The following ASIC2 variants were observed in gnomAD, a reference collection of about 807,000 sequenced individuals.
The protein encoded by ASIC2 is acid sensing ion channel subunit 2.
A neutral mutation model predicts 57.3 loss-of-function variants in ASIC2; 25 were observed. The ratio of observed to expected loss-of-function variants is 0.44; its 90% CI spans 0.32 to 0.61. ASIC2 has a LOEUF of 0.61. Among genes scored for constraint, ASIC2 ranks in the 20% least tolerant of loss-of-function variants. The pLI, the probability that ASIC2 is intolerant of heterozygous loss-of-function variation, is 0.06. For synonymous variants in ASIC2, 319 were observed against 307.5 expected, an observed-to-expected ratio of 1.04 and a Z score of -0.39; for missense variants, 641 against 738.1, an observed-to-expected ratio of 0.87 and a Z score of 1.52.
chr17:34,065,515 A>T (rs900686224), intron 1 of ASIC2, among the ~76,000 whole-genome samples: 5 of 152,256 alleles, frequency 3.3e-5, no homozygotes, highest in South Asian at 2.1e-4. Context: ...GAAAAATTTT[A>T]AAAAAATAAA....
At chr17:33,278,740 T>G (rs1904815723) in intron 1 of ASIC2, among the ~76,000 whole-genome samples, 1 of 152,160 alleles carries the variant, frequency 6.6e-6, no homozygotes, top group East Asian at 1.9e-4. Flanking sequence ...AATGAACGAA[T>G]GAATGAGTCC....
chr17:33,187,243 C>G (rs749781102), intron 1 of ASIC2, among the ~76,000 whole-genome samples: 2 of 152,200 alleles, frequency 1.3e-5, no homozygotes, highest in Non-Finnish European at 2.9e-5. Flanking sequence ...TGTCGAACAA[C>G]CAACGCTTCA....
intron 1 of ASIC2, among the ~76,000 whole-genome samples, chr17:34,106,153 T>TA (rs1188250809): frequency 6.6e-6 from 1 of 152,142 alleles, no homozygotes; most frequent in African/African-American, 2.4e-5. Context: ...GGTTGTCTAA[T>TA]GTTTCCTTGT....
At chr17:33,487,594 T>G (rs1208043344) in intron 1 of ASIC2, among the ~76,000 whole-genome samples, 1 of 152,212 alleles carries the variant, frequency 6.6e-6, no homozygotes, top group Non-Finnish European at 1.5e-5. Flanking sequence ...GATTGAAGGA[T>G]GCAAAGCATT....
chr17:34,001,799 C>T (rs1346329358), intron 1 of ASIC2: 2 of 152,190 alleles, frequency 1.3e-5, no homozygotes, highest in Admixed American at 6.5e-5. Flanking sequence ...TTCTGTGTTC[C>T]ACTTGGGTGC....
At chr17:33,691,676 C>T (rs1908373205) in intron 1 of ASIC2, among the ~76,000 whole-genome samples, 2 of 151,840 alleles carry the variant, frequency 1.3e-5, no homozygotes, top group African/African-American at 2.4e-5. Context: ...TGACTTTGTT[C>T]ATGGTGGGGT....
At chr17:33,347,754 G>A (rs1157466254) in intron 1 of ASIC2, among the ~76,000 whole-genome samples, 1 of 152,154 alleles carries the variant, frequency 6.6e-6, no homozygotes, top group African/African-American at 2.4e-5. Context: ...TGCAGTCATT[G>A]GCAATGACAA....
At chr17:34,073,718 T>C (rs1418120024) in intron 1 of ASIC2, among the ~76,000 whole-genome samples, 2 of 152,246 alleles carry the variant, frequency 1.3e-5, no homozygotes, top group African/African-American at 4.8e-5. Context: ...CATTAGCATC[T>C]TATAATTCAC....
chr17:33,172,703 G>A (rs1428808811), intron 1 of ASIC2, among the ~76,000 whole-genome samples: 1 of 152,212 alleles, frequency 6.6e-6, no homozygotes, highest in East Asian at 1.9e-4. Flanking sequence ...GAACTCAGTA[G>A]TATGATGGAA....
At chr17:34,079,182 A>T (rs1598012157) in intron 1 of ASIC2, 1 of 152,360 alleles carries the variant, frequency 6.6e-6, no homozygotes, top group East Asian at 1.9e-4. Flanking sequence ...AAAATTCTTC[A>T]GCAGCTCCCC....
At chr17:33,393,589 T>C (rs141841907) in intron 1 of ASIC2, among the ~76,000 whole-genome samples, 2 of 152,298 alleles carry the variant, frequency 1.3e-5, no homozygotes, top group African/African-American at 4.8e-5. Flanking sequence ...GAAAGTTATA[T>C]AACTTCTTAG....
chr17:33,666,962 AT>A (rs1375177999), intron 1 of ASIC2, among the ~76,000 whole-genome samples: 1 of 152,206 alleles, frequency 6.6e-6, no homozygotes, highest in East Asian at 1.9e-4. Flanking sequence ...ATATTAAAAT[AT>A]TATTTGTCGT....
chr17:33,661,916 C>T (rs1414509045), intron 1 of ASIC2, among the ~76,000 whole-genome samples: 2 of 152,162 alleles, frequency 1.3e-5, no homozygotes, highest in East Asian at 3.9e-4. Context: ...ACCCACAGGT[C>T]CCTGCCTGGT....
In ASIC2 at chr17:33,630,653, CT is replaced by C. The variant is rs369689258; in HGVS notation, c.556-518587del. 2.7e-3 allele frequency among the ~76,000 whole-genome samples: 392 copies of C among 144,322 alleles called. 3 individuals are homozygous for C. The highest frequency in any genetic ancestry group is 9.6e-3 in the African/African-American group (374 of 39,072). 94.7% of individuals were successfully genotyped at this position (144,322 alleles called of 152,430 possible). A position where few individuals can be genotyped will look rare whatever the true frequency, so the allele number is the denominator to read the frequency against. On this transcript the variant is annotated intron_variant, in intron 1 of 9. Transcript: ENST00000359872. ...CCTGCTGTGTGGCCTTAACAATCTA[CT>C]TAACCTTCTGAGCCTGTTTTCTCCT... is the stretch of plus-strand genomic sequence containing the variant.
chr17:33,574,309 A>C (rs1916549048), intron 1 of ASIC2, among the ~76,000 whole-genome samples: 1 of 152,080 alleles, frequency 6.6e-6, no homozygotes, highest in African/African-American at 2.4e-5. Context: ...GGCAGGGTGT[A>C]TTTCATGCCT....
intron 3 of ASIC2, among the ~76,000 whole-genome samples, chr17:33,053,163 A>AT (rs933289360): frequency 6.6e-6 from 1 of 152,146 alleles, no homozygotes. Context: ...AATACAGGCA[A>AT]TTTTTTATTA....
intron 1 of ASIC2, among the ~76,000 whole-genome samples, chr17:33,345,876 T>G (rs1181112902): frequency 6.6e-6 from 1 of 151,960 alleles, no homozygotes; most frequent in African/African-American, 2.4e-5. Context: ...AGGAGGTAAT[T>G]CCAGTAGAAT....
At chr17:33,400,817 C>T (rs939226131) in intron 1 of ASIC2, among the ~76,000 whole-genome samples, 7 of 152,128 alleles carry the variant, frequency 4.6e-5, no homozygotes, top group Non-Finnish European at 1.0e-4. Context: ...ATCCCTGCCA[C>T]CCCTGCCACC....
chr17:33,419,755 G>GA (rs1309275208), intron 1 of ASIC2, among the ~76,000 whole-genome samples: 1 of 152,162 alleles, frequency 6.6e-6, no homozygotes, highest in East Asian at 1.9e-4. Flanking sequence ...TCCATCAGTA[G>GA]AGGATTGGTC....
Sources: gnomAD v4.1 joint callset for allele counts (sites outside exome capture counted in the v4.1 genomes callset) on GRCh38, gnomAD v4.1.1 for gene constraint, MANE v1.5 for transcripts, NCBI Gene and HGNC (gene_info 2026-07-23, HGNC 2026-07-21) for gene names.